The following MYEF2 variants were observed in gnomAD, a reference collection of about 807,000 sequenced individuals.
MYEF2 encodes the protein myelin expression factor 2, also known as myelin gene expression factor 2.
In MYEF2, 37 loss-of-function variants were observed where a neutral mutation model predicts 75.2. That is an observed-to-expected ratio of 0.49 (90% CI 0.38 to 0.65). MYEF2 has a LOEUF of 0.65. Among genes scored for constraint, MYEF2 ranks in the 30% least tolerant of loss-of-function variants. MYEF2 has a pLI of 0.00. For missense variants in MYEF2, 634 were observed against 771.4 expected, an observed-to-expected ratio of 0.82 and a Z score of 2.11; for synonymous variants, 195 against 241.6, an observed-to-expected ratio of 0.81 and a Z score of 1.79.
intron 1 of MYEF2, among the ~76,000 whole-genome samples, chr15:48,175,586 T>C (rs532464486): frequency 6.6e-6 from 1 of 152,242 alleles, no homozygotes; most frequent in South Asian, 2.1e-4. Flanking sequence ...AAATATACAA[T>C]TTTTGTCAAT....
intron 13 of MYEF2, 66 bp from the exon 14 acceptor site, chr15:48,151,237 G>A: frequency 7.5e-7 from 1 of 1,337,830 alleles, no homozygotes; most frequent in African/African-American, 1.5e-5. Context: ...AATTCCCAAG[G>A]TACTATGTGC....
At chr15:48,158,287 A>G in intron 7 of MYEF2, 63 bp from the exon 8 acceptor site, 1 of 1,459,580 alleles carries the variant, frequency 6.9e-7, no homozygotes, top group South Asian at 1.2e-5. Context: ...AACACAAACT[A>G]ATTTTTAATA....
rs1006865467 is a variant in MYEF2, at chr15:48,151,660, G to A, written c.1208-89C>T. On this transcript the variant is annotated intron_variant, in intron 12 of 16. Coordinates refer to ENST00000324324, the MANE Select transcript of MYEF2 (RefSeq NM_016132.5). ...GAATGTATCTAAATTATGAAAAGACGCGTAAGTCACAAATATAAAATAGTC... is the reference window on the plus strand; with the variant it reads ...GAATGTATCTAAATTATGAAAAGACACGTAAGTCACAAATATAAAATAGTC... 8.3e-5 allele frequency: 108 copies of A among 1,301,204 alleles called. 1 individual carries two copies. Among genetic ancestry groups the A allele is most frequent in the South Asian group, 3.2e-4 (24 of 75,660 alleles). The allele number at this position is 1,301,204 out of a possible 1,614,324, so 80.6% of individuals were successfully genotyped here.
rs1243105774 is a variant in MYEF2, at chr15:48,137,786, GT to G, written c.*5121del. 2 of 152,088 alleles carry G rather than the reference GT, an allele frequency of 1.3e-5. No individual in the cohort carries two copies. The highest frequency in any genetic ancestry group is 3.9e-4 in the East Asian group (2 of 5,190). The allele number at this position is 152,088 out of a possible 1,614,324, so 9.4% of individuals were successfully genotyped here. On this transcript the variant is annotated 3_prime_UTR_variant, in exon 17 of 17. Coordinates refer to ENST00000324324, the MANE Select transcript of MYEF2 (RefSeq NM_016132.5). ...ACTGGGAACTCAGAAAAAGGGGCTG[GT>G]TTGGAAGAAAGAAGAAAAACAGCTG...
In MYEF2 at chr15:48,136,976, T is replaced by C. The variant is rs2038916379; in HGVS notation, c.*5932A>G. 1.3e-6 allele frequency: 2 copies of C among 1,598,860 alleles called. No homozygotes were observed. Among genetic ancestry groups the C allele is most frequent in the African/African-American group, 1.3e-5 (1 of 74,406 alleles). On this transcript the variant is annotated 3_prime_UTR_variant, in exon 17 of 17. Coordinates refer to ENST00000324324, the MANE Select transcript of MYEF2 (RefSeq NM_016132.5). ...CAGGTTTCTGAAGGTAATCACTAAA[T>C]CTTGCCCATTATTAAGTCTATTCGC...
At chr15:48,157,962 T>C (rs752739914) in intron 9 of MYEF2, 31 bp downstream of exon 9, 56 of 1,611,354 alleles carry the variant, frequency 3.5e-5, no homozygotes, top group Non-Finnish European at 4.4e-5. Flanking sequence ...AAAAAAAGCC[T>C]ATGTTGTTTC....
intron 1 of MYEF2, among the ~76,000 whole-genome samples, chr15:48,177,537 C>A (rs1398412770): frequency 6.6e-6 from 1 of 152,104 alleles, no homozygotes; most frequent in Admixed American, 6.5e-5. Flanking sequence ...CATTATTAAA[C>A]TTCCTCTCGG....
rs781556141 is a variant in MYEF2 at position 48,178,141 on chromosome 15, G to A, written c.97C>T (p.Pro33Ser). The A allele has an allele frequency of 1.9e-6, 3 of 1,577,814 alleles. No individual in the cohort carries two copies. The highest frequency in any genetic ancestry group is 1.1e-5 in the South Asian group (1 of 87,000). ...AEPPGEPRRE[P>S]HPAEAEKQQP... is the part of the protein sequence containing the mutation. ...TGCTTCTCCGCCTCCGCGGGGTGCG[G>A]CTCTCGCCGCGGCTCGCCCGGCGGC... The change falls in exon 1 of 17, where the codon CCG (proline) becomes TCG (serine). Residue 33 changes from proline (P) to serine (S), a missense_variant. By Grantham distance (74) the Pro-to-Ser change is moderately conservative. Transcript: ENST00000324324.
At position 48,158,215 on chromosome 15, in the gene MYEF2, T is replaced by C. The variant is rs144897007; in HGVS notation, c.881A>G (p.Asn294Ser). The C allele has an allele frequency of 5.0e-6, 8 of 1,612,952 alleles. No individual in the cohort carries two copies. The highest frequency in any genetic ancestry group is 1.3e-5 in the African/African-American group (1 of 74,988). The change falls in exon 8 of 17, where the codon AAT becomes AGT. Residue 294 changes from asparagine to serine, a missense_variant. Transcript: ENST00000324324. ...IEAVQAISMF[N>S]GQFLFDRPMH... ...AGGTCTATCAAATAAAAACTGCCCA[T>C]TGAACATAGCTGTTGGTTCAGTCAA...
chr15:48,160,488 C>CAT lies in MYEF2; in HGVS notation c.526-685_526-684insAT, dbSNP rs754704973. Among the ~76,000 whole-genome samples the CAT allele has an allele frequency of 4.4e-3, 655 of 149,934 alleles. 1 individual carries two copies. The highest frequency in any genetic ancestry group is 5.8e-3 in the Non-Finnish European group (392 of 67,274). On this transcript the variant is annotated intron_variant, in intron 5 of 16. Transcript: ENST00000324324. ...CTACCTTTAAACAAAACCAAACATA[C>CAT]ACACACACACACACACACACACACA...
intron 9 of MYEF2, 44 bp downstream of exon 9, chr15:48,157,949 A>G: frequency 6.2e-7 from 1 of 1,608,772 alleles, no homozygotes; most frequent in Non-Finnish European, 8.5e-7. Context: ...AATAAAACAA[A>G]CCAAAAAAAG....
chr15:48,170,038 C>T (rs1453538141), intron 1 of MYEF2: 1 of 152,142 alleles, frequency 6.6e-6, no homozygotes, highest in Non-Finnish European at 1.5e-5. Flanking sequence ...ATTTGGATTT[C>T]TATTTTAAAA....
chr15:48,165,733 A>C (rs550842608), intron 5 of MYEF2, among the ~76,000 whole-genome samples, 200 bp downstream of exon 5: 1 of 152,114 alleles, frequency 6.6e-6, no homozygotes, highest in East Asian at 1.9e-4. Context: ...ACTTGGAACC[A>C]ATCAAGTATA....
chr15:48,143,159 G>T lies in MYEF2; in HGVS notation c.1640-88C>A, dbSNP rs189243405. ...TTTGAAATTCCTCATAGCCAATTGT[G>T]ATAATTAATTTGATTAAAAACATTA... On this transcript the variant is annotated intron_variant, in intron 16 of 16. Coordinates refer to ENST00000324324, the MANE Select transcript of MYEF2 (RefSeq NM_016132.5). 9 of 756,488 alleles carry T rather than the reference G, an allele frequency of 1.2e-5. No individual in the cohort carries two copies. In the South Asian group the frequency reaches 4.3e-4, roughly 36 times the overall value. The allele number at this position is 756,488 out of a possible 1,614,324, so 46.9% of individuals were successfully genotyped here.
At chr15:48,168,333 C>T (rs2040204777) in intron 2 of MYEF2, among the ~76,000 whole-genome samples, 2 of 151,742 alleles carry the variant, frequency 1.3e-5, no homozygotes, top group Non-Finnish European at 2.9e-5. Flanking sequence ...ATGCAATAGC[C>T]CTTTTAAAAT....
intron 16 of MYEF2, among the ~76,000 whole-genome samples, chr15:48,143,946 G>C (rs983094536): frequency 6.6e-5 from 10 of 151,966 alleles, no homozygotes; most frequent in African/African-American, 2.4e-4. Flanking sequence ...CAGATGTAAA[G>C]GGAGACTATC....
At chr15:48,162,520 C>T (rs2039978700) in intron 5 of MYEF2, among the ~76,000 whole-genome samples, 2 of 152,070 alleles carry the variant, frequency 1.3e-5, no homozygotes, top group African/African-American at 4.8e-5. Flanking sequence ...TCATTTAATC[C>T]TCATAAAAAT....
intron 1 of MYEF2, among the ~76,000 whole-genome samples, chr15:48,173,253 C>T (rs2140940110): frequency 6.6e-6 from 1 of 152,278 alleles, no homozygotes; most frequent in African/African-American, 2.4e-5. Flanking sequence ...AATCAAGGAT[C>T]ATCTCAATAG....
At chr15:48,145,998 G>C (rs1377305699) in intron 16 of MYEF2, among the ~76,000 whole-genome samples, 1 of 151,878 alleles carries the variant, frequency 6.6e-6, no homozygotes, top group African/African-American at 2.4e-5. Flanking sequence ...CAAGCACACT[G>C]ATGTAGAAAT....
Sources: gnomAD v4.1 joint callset for allele counts (sites outside exome capture counted in the v4.1 genomes callset) on GRCh38, gnomAD v4.1.1 for gene constraint, MANE v1.5 for transcripts, NCBI Gene and HGNC (gene_info 2026-07-23, HGNC 2026-07-21) for gene names.